GRM7: variants seen among roughly 807,000 people sequenced by gnomAD.
GRM7 encodes the protein metabotropic glutamate receptor 7.
Under a neutral mutation model 84.5 loss-of-function variants are expected in GRM7, and 35 were observed. That is an observed-to-expected ratio of 0.41 (90% CI 0.32 to 0.55). The LOEUF (loss-of-function observed/expected upper bound fraction) is 0.55. GRM7 is among the 20% of genes least tolerant of loss of function. The pLI is 0.19. For synonymous variants in GRM7, 487 were observed against 455.1 expected, an observed-to-expected ratio of 1.07 and a Z score of -0.89; for missense variants, 1,003 against 1,194.6, an observed-to-expected ratio of 0.84 and a Z score of 2.36.
chr3:7,410,809 C>T (rs989220157), intron 4 of GRM7, among the ~76,000 whole-genome samples: 1 of 152,012 alleles, frequency 6.6e-6, no homozygotes, highest in African/African-American at 2.4e-5. Flanking sequence ...AAGGTATATA[C>T]CACAACAGGA....
intron 7 of GRM7, among the ~76,000 whole-genome samples, chr3:7,531,998 G>T (rs116721343): frequency 6.6e-6 from 1 of 151,670 alleles, no homozygotes; most frequent in South Asian, 2.1e-4. Flanking sequence ...AGTTTATTGC[G>T]CGTGCTGCTG....
intron 1 of GRM7, among the ~76,000 whole-genome samples, chr3:7,056,022 G>A (rs1004975099): frequency 4.6e-5 from 7 of 151,890 alleles, no homozygotes; most frequent in African/African-American, 1.7e-4. Flanking sequence ...CAAATTCACA[G>A]TTTATTGTGA....
chr3:7,010,611 T>C (rs1695337607), intron 1 of GRM7, among the ~76,000 whole-genome samples: 1 of 152,104 alleles, frequency 6.6e-6, no homozygotes, highest in Non-Finnish European at 1.5e-5. Context: ...AGATGGGAGA[T>C]CAAGGCTAAA....
chr3:7,453,334 T>G (rs1212912485), intron 6 of GRM7, among the ~76,000 whole-genome samples: 2 of 152,016 alleles, frequency 1.3e-5, no homozygotes, highest in Non-Finnish European at 2.9e-5. Context: ...ACCCCACAAG[T>G]TGGAGGCTTA....
chr3:7,328,603 C>T (rs1210557572), intron 4 of GRM7, among the ~76,000 whole-genome samples: 1 of 152,148 alleles, frequency 6.6e-6, no homozygotes, highest in East Asian at 1.9e-4. Context: ...TCAGAATGCA[C>T]CTGTGTATCT....
chr3:7,483,742 A>G (rs1398611795), intron 7 of GRM7, among the ~76,000 whole-genome samples: 1 of 152,176 alleles, frequency 6.6e-6, no homozygotes, highest in Non-Finnish European at 1.5e-5. Flanking sequence ...TTATTATTCC[A>G]GATGAGAGAT....
At position 6,863,317 on chromosome 3, in the gene GRM7, C is replaced by T. The variant is rs1011479901; in HGVS notation, c.519+1410C>T. Among the ~76,000 whole-genome samples the T allele has an allele frequency of 6.6e-6, 1 of 152,162 alleles. No homozygotes were observed. The highest frequency in any genetic ancestry group is 1.5e-5 in the Non-Finnish European group (1 of 68,040). ...GCAGATGTACACGCTGATCCTGGCA[C>T]CTTTATGCTCCTCATATCTAGAGAA... On this transcript the variant is annotated intron_variant, in intron 1 of 9. Coordinates refer to ENST00000357716, the MANE Select transcript of GRM7 (RefSeq NM_000844.4). The surrounding 1 kb of genome is among the most constrained non-coding windows in gnomAD (Gnocchi z 4.8).
rs71043686 is a variant in GRM7, at chr3:7,661,794, C to CAAAAAAAAAAAAAAAAAAAAAAAAAAAAA, written c.2452-18229_2452-18228insAAAAAAAAAAAAAAAAAAAAAAAAAAAAA. ...GGGCCACAGAGCGAGGTCTCCGTCT[C>CAAAAAAAAAAAAAAAAAAAAAAAAAAAAA]AAAAAAAAAAAAAAAAAAAAAAAAA... On this transcript the variant is annotated intron_variant, in intron 8 of 9. Coordinates refer to ENST00000357716, the MANE Select transcript of GRM7 (RefSeq NM_000844.4). Among the ~76,000 whole-genome samples, 18 of 28,198 alleles carry CAAAAAAAAAAAAAAAAAAAAAAAAAAAAA rather than the reference C, an allele frequency of 6.4e-4. 1 individual carries two copies. Among genetic ancestry groups the CAAAAAAAAAAAAAAAAAAAAAAAAAAAAA allele is most frequent in the African/African-American group, 7.5e-4 (5 of 6,634 alleles). The allele number at this position is 28,198 out of a possible 152,430, so 18.5% of individuals were successfully genotyped here. A position where few individuals can be genotyped will look rare whatever the true frequency, so the allele number is the denominator to read the frequency against.
intron 1 of GRM7, among the ~76,000 whole-genome samples, chr3:7,089,275 A>T (rs1432700097): frequency 2.0e-5 from 3 of 152,210 alleles, no homozygotes; most frequent in Non-Finnish European, 2.9e-5. Flanking sequence ...TCATAAAATC[A>T]ATGAGAAAGG....
chr3:7,185,915 C>A (rs1054389908), intron 2 of GRM7, among the ~76,000 whole-genome samples: 27 of 152,180 alleles, frequency 1.8e-4, no homozygotes, highest in Non-Finnish European at 2.1e-4. Flanking sequence ...AGAAATTGAG[C>A]AAATTTTGTT....
intron 7 of GRM7, among the ~76,000 whole-genome samples, chr3:7,519,067 G>A (rs1700495622): frequency 6.6e-6 from 1 of 152,184 alleles, no homozygotes; most frequent in Non-Finnish European, 1.5e-5. Flanking sequence ...GCCTGGATAA[G>A]TTAAGTGACT....
At chr3:7,567,880 T>C (rs1378313019) in intron 7 of GRM7, among the ~76,000 whole-genome samples, 1 of 151,054 alleles carries the variant, frequency 6.6e-6, no homozygotes, top group Admixed American at 6.6e-5. Flanking sequence ...TTCTTGGAAC[T>C]TCCGCATTCA....
intron 9 of GRM7, among the ~76,000 whole-genome samples, chr3:7,699,633 A>G (rs1051427529): frequency 6.6e-6 from 1 of 152,076 alleles, no homozygotes; most frequent in Non-Finnish European, 1.5e-5. Context: ...CTTTTCTGCT[A>G]CTTATTTTGG....
At chr3:6,891,789 G>A (rs967610662) in intron 1 of GRM7, among the ~76,000 whole-genome samples, 2 of 152,186 alleles carry the variant, frequency 1.3e-5, no homozygotes, top group African/African-American at 2.4e-5. Context: ...TGCCTTGCTA[G>A]ATTGGGGAAG....
intron 1 of GRM7, among the ~76,000 whole-genome samples, chr3:7,136,038 T>G (rs1334585430): frequency 1.3e-5 from 2 of 152,126 alleles, no homozygotes; most frequent in Non-Finnish European, 2.9e-5. Context: ...CAGTTTACTA[T>G]GTAATAATTA....
In GRM7 at chr3:7,090,183, G is replaced by A. The variant is rs1485140660; in HGVS notation, c.520-56269G>A. On this transcript the variant is annotated intron_variant, in intron 1 of 9. Coordinates refer to ENST00000357716, the MANE Select transcript of GRM7 (RefSeq NM_000844.4). ...ATTAAAAATAGATGGATTAAAAGAA[G>A]GGTAAAACATTTTAAAAAGGAATAA... 3.3e-5 allele frequency among the ~76,000 whole-genome samples: 5 copies of A among 152,210 alleles called. No homozygotes were observed. The East Asian group carries it at 9.7e-4, about 29-fold the overall frequency.
chr3:7,444,496 TGTCA>T (rs1007829914), intron 5 of GRM7, among the ~76,000 whole-genome samples: 8 of 152,242 alleles, frequency 5.3e-5, no homozygotes, highest in African/African-American at 1.7e-4. Context: ...AGTTTTCTTA[TGTCA>T]GTTTTAGTGA....
chr3:7,146,416 G>A lies in GRM7; in HGVS notation c.520-36G>A, dbSNP rs17046869. 6.2e-3 allele frequency: 8,792 copies of A among 1,429,388 alleles called. 339 individuals are homozygous for A. In the African/African-American group the frequency reaches 0.099, roughly 16 times the overall value. 88.5% of individuals were successfully genotyped at this position (1,429,388 alleles called of 1,614,324 possible). On this transcript the variant is annotated intron_variant, in intron 1 of 9. Transcript: ENST00000357716. Reference sequence around the variant, plus strand: ...ATAAATGAGTCTCTTACATCCTGACGGTGCACTCTCACGTGGTGCTTTCTT... The same window carrying A: ...ATAAATGAGTCTCTTACATCCTGACAGTGCACTCTCACGTGGTGCTTTCTT...
At chr3:6,898,078 G>T (rs532402126) in intron 1 of GRM7, among the ~76,000 whole-genome samples, 2 of 152,156 alleles carry the variant, frequency 1.3e-5, no homozygotes, top group Non-Finnish European at 2.9e-5. Context: ...AAGCTAGAAG[G>T]CAAGGACATC....
Sources: gnomAD v4.1 joint callset for allele counts (sites outside exome capture counted in the v4.1 genomes callset) on GRCh38, gnomAD v4.1.1 for gene constraint, Gnocchi (gnomAD v3.1) non-coding constraint, MANE v1.5 for transcripts, NCBI Gene and HGNC (gene_info 2026-07-23, HGNC 2026-07-21) for gene names.